The following MTR variants were observed in gnomAD, a reference collection of about 807,000 sequenced individuals.
The protein encoded by MTR is methionine synthase.
MTR carries 84 observed loss-of-function variants against 154.8 expected under a neutral mutation model. That is an observed-to-expected ratio of 0.54 (90% CI 0.45 to 0.65). The LOEUF (loss-of-function observed/expected upper bound fraction) is 0.65. Among genes scored for constraint, MTR ranks in the 30% least tolerant of loss-of-function variants. MTR has a pLI of 0.00. For synonymous variants in MTR, 554 were observed against 553.9 expected, an observed-to-expected ratio of 1.00 and a Z score of 0.00; for missense variants, 1,275 against 1,570.2, an observed-to-expected ratio of 0.81 and a Z score of 3.18.
intron 1 of MTR, among the ~76,000 whole-genome samples, chr1:236,797,941 G>C (rs539853319): frequency 1.1e-4 from 16 of 139,898 alleles, no homozygotes; most frequent in African/African-American, 3.2e-4. Flanking sequence ...CTGGGTGAGA[G>C]AGTGAGACTT....
At chr1:236,837,458 T>A (rs1053030350) in intron 14 of MTR, among the ~76,000 whole-genome samples, 2 of 152,226 alleles carry the variant, frequency 1.3e-5, no homozygotes, top group Non-Finnish European at 2.9e-5. Context: ...CTTATGCTTT[T>A]AGCATTTACT....
In MTR at chr1:236,894,039, TGAAG is replaced by T. The variant is rs541195619; in HGVS notation, c.3205-316_3205-313del. Among the ~76,000 whole-genome samples, 16 of 152,274 alleles carry T rather than the reference TGAAG, an allele frequency of 1.1e-4. No individual in the cohort carries two copies. In the East Asian group the frequency reaches 2.1e-3, roughly 20 times the overall value. On this transcript the variant is annotated intron_variant, in intron 29 of 32. Transcript: ENST00000366577. ...TAAACCGTGACTTTAGCACAGTGCC[TGAAG>T]GCATTCAGTAAATGTTTGGTCAGTG...
chr1:236,841,787 T>C (rs1663252278), intron 15 of MTR, among the ~76,000 whole-genome samples: 1 of 152,224 alleles, frequency 6.6e-6, no homozygotes, highest in South Asian at 2.1e-4. Context: ...GGCAGTTGCA[T>C]GGGCATAGGA....
chr1:236,854,084 A>G (rs1255351119), intron 18 of MTR, among the ~76,000 whole-genome samples: 1 of 152,218 alleles, frequency 6.6e-6, no homozygotes, highest in Non-Finnish European at 1.5e-5. Context: ...TTAGAATCTG[A>G]ATTTAGCTCT....
intron 20 of MTR, among the ~76,000 whole-genome samples, chr1:236,861,838 A>C (rs749323759): frequency 1.3e-5 from 2 of 152,160 alleles, no homozygotes; most frequent in Non-Finnish European, 2.9e-5. Context: ...CCTTAATGTA[A>C]GACTGGATTT....
chr1:236,897,739 G>T lies in MTR; in HGVS notation c.*95G>T. ...AATAACAACAACAAAAAACCTGTGT[G>T]CATCTGGCTGACACTTACCTGCTTC... On this transcript the variant is annotated 3_prime_UTR_variant, in exon 33 of 33. Coordinates refer to ENST00000366577, the MANE Select transcript of MTR (RefSeq NM_000254.3). 1 of 1,096,008 alleles carries T rather than the reference G, an allele frequency of 9.1e-7. No homozygotes were observed. Among genetic ancestry groups the T allele is most frequent in the African/African-American group, 1.6e-5 (1 of 64,222 alleles). The allele number at this position is 1,096,008 out of a possible 1,614,324, so 67.9% of individuals were successfully genotyped here.
chr1:236,829,746 T>C (rs1662502858), intron 12 of MTR, among the ~76,000 whole-genome samples: 1 of 152,232 alleles, frequency 6.6e-6, no homozygotes, highest in South Asian at 2.1e-4. Flanking sequence ...TTGTGGTATG[T>C]ATTTTCTCTT....
intron 23 of MTR, among the ~76,000 whole-genome samples, chr1:236,874,373 G>C (rs1665310910): frequency 6.6e-6 from 1 of 152,012 alleles, no homozygotes; most frequent in South Asian, 2.1e-4. Context: ...TCAGAAGTTT[G>C]AGACCAGCCT....
chr1:236,857,370 A>G (rs926933358), intron 18 of MTR, among the ~76,000 whole-genome samples: 1 of 152,220 alleles, frequency 6.6e-6, no homozygotes, highest in South Asian at 2.1e-4. Flanking sequence ...AGGACTATTA[A>G]AATATTCTCC....
intron 15 of MTR, among the ~76,000 whole-genome samples, chr1:236,842,138 G>A (rs1384636968): frequency 2.0e-5 from 3 of 152,126 alleles, no homozygotes; most frequent in Non-Finnish European, 2.9e-5. Flanking sequence ...TGATCCGCCC[G>A]CCTCGGCTTC....
At position 236,874,815 on chromosome 1, in the gene MTR, C is replaced by G; in HGVS notation, c.2563C>G (p.Pro855Ala). The change falls in exon 24 of 33, where the codon CCA becomes GCA. Residue 855 changes from proline (P) to alanine (A), a missense_variant. Physicochemically the swap from Pro to Ala is conservative, Grantham distance 27. Coordinates refer to ENST00000366577, the MANE Select transcript of MTR (RefSeq NM_000254.3). ...AATGGAGAGATTAGCTATAAGGATT[C>G]CATTGTTGATTGGAGGAGCAACCAC... ...KEMERLAIRIPLLIGGATTSK... is the reference protein window; with the variant it reads ...KEMERLAIRIALLIGGATTSK... 1.2e-6 allele frequency: 2 copies of G among 1,613,678 alleles called. No homozygotes were observed. The highest frequency in any genetic ancestry group is 1.7e-6 in the Non-Finnish European group (2 of 1,179,866).
intron 25 of MTR, among the ~76,000 whole-genome samples, chr1:236,882,274 T>C (rs1265396945): frequency 6.6e-6 from 1 of 152,214 alleles, no homozygotes; most frequent in Non-Finnish European, 1.5e-5. Flanking sequence ...CTGAATAGTT[T>C]CCTTTCAGAG....
intron 15 of MTR, among the ~76,000 whole-genome samples, chr1:236,849,484 C>T (rs1425737436): frequency 6.6e-6 from 1 of 152,116 alleles, no homozygotes; most frequent in Non-Finnish European, 1.5e-5. Context: ...GGCACTTGGG[C>T]AGAAGCCTTA....
At chr1:236,858,607 A>G (rs983306211) in intron 18 of MTR, among the ~76,000 whole-genome samples, 1 of 152,222 alleles carries the variant, frequency 6.6e-6, no homozygotes, top group Non-Finnish European at 1.5e-5. Context: ...ACAGTGTGGA[A>G]GATGAATCAG....
At chr1:236,862,370 G>A in intron 21 of MTR, 27 bp downstream of exon 21, 1 of 1,581,372 alleles carries the variant, frequency 6.3e-7, no homozygotes. Context: ...AGGCCTATGG[G>A]CCTTTAGTGG....
At position 236,807,871 on chromosome 1, in the gene MTR, G is replaced by A. The variant is rs531256489; in HGVS notation, c.340-833G>A. Among the ~76,000 whole-genome samples, 643 of 152,256 alleles carry A rather than the reference G, an allele frequency of 4.2e-3. 8 individuals carry two copies. The highest frequency in any genetic ancestry group is 0.015 in the African/African-American group (612 of 41,542). ...ACTGCTCAACTCCATCATGTAGTGT[G>A]GAAGCAGCTATAGACATTATATAAA... On this transcript the variant is annotated intron_variant, in intron 3 of 32. Coordinates refer to ENST00000366577, the MANE Select transcript of MTR (RefSeq NM_000254.3).
In MTR at chr1:236,874,746, C is replaced by G; in HGVS notation, c.2494C>G (p.Leu832Val). Reference protein sequence around the residue: ...HKADIIGLSGLITPSLDEMIF... With the variant: ...HKADIIGLSGVITPSLDEMIF... ...AATAGATATAATTGGCCTGTCAGGA[C>G]TCATCACTCCTTCCCTGGATGAAAT... is the stretch of plus-strand genomic sequence containing the variant. The change falls in exon 24 of 33, where the codon CTC becomes GTC. Residue 832 changes from leucine (L) to valine (V), a missense_variant. Leu to Val is a conservative substitution (Grantham distance 32). Transcript: ENST00000366577. 6 of 1,606,068 alleles carry G rather than the reference C, an allele frequency of 3.7e-6. No homozygotes were observed. Among genetic ancestry groups the G allele is most frequent in the Non-Finnish European group, 4.3e-6 (5 of 1,175,194 alleles).
At chr1:236,806,031 A>C (rs1190631343) in intron 2 of MTR, 113 bp from the exon 3 acceptor site, 9 of 871,638 alleles carry the variant, frequency 1.0e-5, no homozygotes, top group Non-Finnish European at 1.7e-5. Context: ...CCTTACTCTT[A>C]GTAAATGGTC....
intron 30 of MTR, 70 bp downstream of exon 30, chr1:236,894,627 C>G: frequency 6.5e-7 from 1 of 1,531,950 alleles, no homozygotes; most frequent in African/African-American, 1.4e-5. Flanking sequence ...GGGTGGGTGC[C>G]TGAAGACTGA....
Sources: allele counts gnomAD v4.1 joint callset (sites outside exome capture counted in the v4.1 genomes callset), GRCh38; gene constraint gnomAD v4.1.1; transcripts MANE v1.5; gene names NCBI Gene and HGNC (gene_info 2026-07-23, HGNC 2026-07-21).